NFYC: variants seen among roughly 807,000 people sequenced by gnomAD.
NFYC encodes the protein CAAT box DNA-binding protein subunit C.
A neutral mutation model predicts 53.1 loss-of-function variants in NFYC; 25 were observed. The ratio of observed to expected loss-of-function variants is 0.47; its 90% CI spans 0.34 to 0.66. The LOEUF is 0.66. Among genes scored for constraint, NFYC ranks in the 30% least tolerant of loss-of-function variants. The probability of loss-of-function intolerance (pLI) is 0.01; values close to 1 mark genes in which losing one functional copy is unlikely to be tolerated. For missense variants in NFYC, 260 were observed against 422.7 expected (o/e 0.62, Z 3.38); for synonymous variants, 145 against 152.6 (o/e 0.95, Z 0.37).
At chr1:40,711,716 T>C (rs1276475539) in intron 1 of NFYC, among the ~76,000 whole-genome samples, 1 of 152,194 alleles carries the variant, frequency 6.6e-6, no homozygotes, top group African/African-American at 2.4e-5. Context: ...ACTAGACAAA[T>C]GAAGAAAACT....
At chr1:40,710,390 A>G (rs1252945836) in intron 1 of NFYC, among the ~76,000 whole-genome samples, 1 of 152,218 alleles carries the variant, frequency 6.6e-6, no homozygotes, top group Admixed American at 6.5e-5. Context: ...AGTTAAGAGT[A>G]TAGGCACCCT....
At chr1:40,715,650 A>C (rs1644107980) in intron 1 of NFYC, among the ~76,000 whole-genome samples, 1 of 152,138 alleles carries the variant, frequency 6.6e-6, no homozygotes, top group Non-Finnish European at 1.5e-5. Context: ...TCTCTCCCTT[A>C]GGGATCCCAA....
At position 40,760,447 on chromosome 1, in the gene NFYC, G is replaced by A. The variant is rs372007452; in HGVS notation, c.561+2153G>A. Among the ~76,000 whole-genome samples, 5 of 152,278 alleles carry A rather than the reference G, an allele frequency of 3.3e-5. 1 individual carries two copies. Among genetic ancestry groups the A allele is most frequent in the East Asian group, 3.9e-4 (2 of 5,160 alleles). On this transcript the variant is annotated intron_variant, in intron 6 of 9. Transcript: ENST00000447388. ...TAAAAATAAGTAATTATGGCTGGGCGTAGTGGCTCACACCTGTAATCCCAG... is the reference window on the plus strand; with the variant it reads ...TAAAAATAAGTAATTATGGCTGGGCATAGTGGCTCACACCTGTAATCCCAG...
At chr1:40,742,804 T>C (rs1645419931) in intron 2 of NFYC, among the ~76,000 whole-genome samples, 2 of 152,194 alleles carry the variant, frequency 1.3e-5, no homozygotes, top group Admixed American at 6.5e-5. Flanking sequence ...TTTTTTCCCT[T>C]GTGTGACTCT....
At chr1:40,699,624 G>C (rs1041805897) in intron 1 of NFYC, among the ~76,000 whole-genome samples, 2 of 152,164 alleles carry the variant, frequency 1.3e-5, no homozygotes, top group African/African-American at 4.8e-5. Context: ...ATTTATGGTG[G>C]TATTTAATGT....
intron 2 of NFYC, among the ~76,000 whole-genome samples, chr1:40,740,730 T>C (rs1367743094): frequency 6.6e-6 from 1 of 152,204 alleles, no homozygotes; most frequent in Non-Finnish European, 1.5e-5. Context: ...ATGATTAAGC[T>C]TATCAGCTTT....
chr1:40,738,719 C>G, intron 1 of NFYC, 117 bp from the exon 2 acceptor site: 1 of 703,110 alleles, frequency 1.4e-6, no homozygotes, highest in Non-Finnish European at 2.4e-6. Flanking sequence ...TATACCTTAT[C>G]AAACTGAAAG....
intron 6 of NFYC, 152 bp downstream of exon 6, chr1:40,758,446 A>G (rs1196675276): frequency 4.8e-6 from 4 of 840,326 alleles, no homozygotes; most frequent in Non-Finnish European, 7.1e-6. Context: ...AGATTCAGCT[A>G]CTGGGGTGAG....
intron 1 of NFYC, among the ~76,000 whole-genome samples, chr1:40,729,366 G>A (rs1424619406): frequency 2.6e-5 from 4 of 152,156 alleles, no homozygotes; most frequent in Non-Finnish European, 5.9e-5. Flanking sequence ...TTATGTTATG[G>A]AGATGGCTTC....
intron 6 of NFYC, among the ~76,000 whole-genome samples, chr1:40,761,707 T>G (rs577060420): frequency 6.6e-6 from 1 of 152,304 alleles, no homozygotes; most frequent in South Asian, 2.1e-4. Context: ...CCCCTTCCCT[T>G]GTAACTTTGG....
chr1:40,734,906 G>T (rs550812277), intron 1 of NFYC: 1 of 152,190 alleles, frequency 6.6e-6, no homozygotes, highest in South Asian at 2.1e-4. Flanking sequence ...GATTACCTTT[G>T]TCTTTCGAAG....
intron 8 of NFYC, 47 bp downstream of exon 8, chr1:40,766,750 A>G: frequency 2.5e-6 from 4 of 1,572,974 alleles, no homozygotes; most frequent in Non-Finnish European, 3.5e-6. Flanking sequence ...CCAGGAGCAG[A>G]TGGCTTCTGA....
chr1:40,741,367 T>A (rs1232370609), intron 2 of NFYC, among the ~76,000 whole-genome samples: 1 of 152,226 alleles, frequency 6.6e-6, no homozygotes, highest in African/African-American at 2.4e-5. Context: ...TAGGCTAATG[T>A]AAGTGTTCTG....
intron 7 of NFYC, among the ~76,000 whole-genome samples, chr1:40,764,366 G>T (rs569780042): frequency 6.6e-6 from 1 of 152,230 alleles, no homozygotes; most frequent in Non-Finnish European, 1.5e-5. Context: ...GAAAGCTTAG[G>T]AAAGTGGAGT....
Position 40,738,829 on chromosome 1 carries a change from T to C in NFYC, c.-8-7T>C, listed in dbSNP as rs112728639. 106 of 1,606,770 alleles carry C rather than the reference T, an allele frequency of 6.6e-5. 1 individual carries two copies. The highest frequency in any genetic ancestry group is 3.3e-4 in the Middle Eastern group (2 of 6,038). On this transcript the variant is annotated splice_polypyrimidine_tract_variant and splice_region_variant and intron_variant, in intron 1 of 9. Coordinates refer to ENST00000447388, the MANE Select transcript of NFYC (RefSeq NM_014223.5). ...CTAATGTGTCTTATGTATGTGTTTA[T>C]TTTCAGTTGTCGAGATGTCCACAGA...
chr1:40,716,760 C>A (rs1221763739), intron 1 of NFYC, among the ~76,000 whole-genome samples: 1 of 152,102 alleles, frequency 6.6e-6, no homozygotes, highest in Non-Finnish European at 1.5e-5. Context: ...GTTTTTATTA[C>A]ATGGAGGCAA....
intron 5 of NFYC, 139 bp from the exon 6 acceptor site, chr1:40,757,982 T>C: frequency 1.2e-6 from 1 of 861,898 alleles, no homozygotes; most frequent in Middle Eastern, 3.5e-4. Flanking sequence ...AATTCCACTT[T>C]CCTTTGGCTT....
chr1:40,746,644 C>T (rs1645621065), intron 2 of NFYC, among the ~76,000 whole-genome samples: 1 of 152,202 alleles, frequency 6.6e-6, no homozygotes, highest in East Asian at 1.9e-4. Context: ...TCTGCCTTTG[C>T]ACCTTCCTCT....
At chr1:40,710,190 T>C (rs917389069) in intron 1 of NFYC, among the ~76,000 whole-genome samples, 2 of 152,256 alleles carry the variant, frequency 1.3e-5, no homozygotes, top group African/African-American at 4.8e-5. Context: ...TCTTTGTTTT[T>C]AATGCACATT....
Sources: gnomAD v4.1 joint callset for allele counts (sites outside exome capture counted in the v4.1 genomes callset) on GRCh38, gnomAD v4.1.1 for gene constraint, MANE v1.5 for transcripts, NCBI Gene and HGNC (gene_info 2026-07-23, HGNC 2026-07-21) for gene names.